The following ABCB7 variants were observed in gnomAD, a reference collection of about 807,000 sequenced individuals.
ABCB7 encodes the protein iron-sulfur clusters transporter ABCB7, mitochondrial.
ABCB7 carries 7 observed loss-of-function variants against 54.4 expected under a neutral mutation model. The observed-to-expected ratio is 0.13, with a 90% CI of 0.07 to 0.24. The LOEUF (loss-of-function observed/expected upper bound fraction) is 0.24, where lower values mean the gene tolerates loss of function less well. Ranked by LOEUF, ABCB7 falls within the 10% of genes least tolerant of loss-of-function variation. The probability of loss-of-function intolerance (pLI) is 1.00; values close to 1 mark genes in which losing one functional copy is unlikely to be tolerated. For missense variants in ABCB7, 356 were observed against 570.4 expected (o/e 0.62, Z 3.83); for synonymous variants, 218 against 207.1 (o/e 1.05, Z -0.45).
At position 75,090,393 on chromosome X, in the gene ABCB7, C is replaced by T. The variant is rs1464417748; in HGVS notation, c.453+8549G>A. Among the ~76,000 whole-genome samples, 9 of 110,652 alleles carry T rather than the reference C, an allele frequency of 8.1e-5. No homozygotes were observed. The Admixed American group carries it at 8.6e-4, about 11-fold the overall frequency. ...GATTAAACAACATGCTTTTAAATAA[C>T]ACATGGGTCAAAGACTAAAGAGAAA... On this transcript the variant is annotated intron_variant, in intron 4 of 15. Transcript: ENST00000373394.
intron 1 of ABCB7, among the ~76,000 whole-genome samples, chrX:75,139,231 T>C (rs1017188337): frequency 2.7e-5 from 3 of 111,275 alleles, no homozygotes; most frequent in African/African-American, 9.8e-5. Flanking sequence ...CCAAACACCC[T>C]TGGAATGGTA....
At chrX:75,131,822 AC>A (rs1012864665) in intron 1 of ABCB7, among the ~76,000 whole-genome samples, 1 of 111,551 alleles carries the variant, frequency 9.0e-6, no homozygotes, top group Non-Finnish European at 1.9e-5. Flanking sequence ...CCACCCTGAC[AC>A]CACCTGAGCA....
At chrX:75,060,020 A>C (rs1049406215) in intron 15 of ABCB7, among the ~76,000 whole-genome samples, 1 of 106,616 alleles carries the variant, frequency 9.4e-6, no homozygotes, top group African/African-American at 3.9e-5. Context: ...TTTGCTTATA[A>C]TACTTTAATA....
At chrX:75,138,607 C>A (rs1232452220) in intron 1 of ABCB7, among the ~76,000 whole-genome samples, 1 of 111,888 alleles carries the variant, frequency 8.9e-6, no homozygotes, top group Non-Finnish European at 1.9e-5. Context: ...CTTTTTCATA[C>A]ATCTTTTACA....
In ABCB7 at chrX:75,114,737, T is replaced by C. The variant is rs1406660353; in HGVS notation, c.246+17A>G. The C allele has an allele frequency of 2.5e-6, 3 of 1,187,955 alleles. No individual in the cohort carries two copies. The highest frequency in any genetic ancestry group is 2.3e-6 in the Non-Finnish European group (2 of 878,604). ...GGTTTTTCCTAGCTATATGTAGACATGTTTGCTCAATCTTACCTTTGCAGC... is the reference window on the plus strand; with the variant it reads ...GGTTTTTCCTAGCTATATGTAGACACGTTTGCTCAATCTTACCTTTGCAGC... On this transcript the variant is annotated intron_variant, in intron 2 of 15. Transcript: ENST00000373394.
At chrX:75,103,543 A>C (rs1455785920) in intron 3 of ABCB7, among the ~76,000 whole-genome samples, 1 of 111,583 alleles carries the variant, frequency 9.0e-6, no homozygotes, top group African/African-American at 3.3e-5. Context: ...GAAGTCAGGT[A>C]GTGTGATGTC....
At chrX:75,132,707 G>C (rs1208712214) in intron 1 of ABCB7, among the ~76,000 whole-genome samples, 1 of 112,502 alleles carries the variant, frequency 8.9e-6, no homozygotes, top group Non-Finnish European at 1.9e-5. Context: ...GTATCATCTG[G>C]ATTAAAGTCC....
intron 8 of ABCB7, among the ~76,000 whole-genome samples, chrX:75,073,423 T>C (rs1413284635): frequency 9.0e-6 from 1 of 111,450 alleles, no homozygotes; most frequent in Non-Finnish European, 1.9e-5. Flanking sequence ...ACATCATAGA[T>C]GCCAAAACAT....
intron 8 of ABCB7, 52 bp from the exon 9 acceptor site, chrX:75,071,735 CTT>C: frequency 1.2e-6 from 1 of 869,458 alleles, no homozygotes; most frequent in Non-Finnish European, 1.6e-6. Flanking sequence ...AATTTATTCT[CTT>C]AAGTGATTAG....
intron 4 of ABCB7, among the ~76,000 whole-genome samples, chrX:75,083,938 T>C: frequency 9.0e-6 from 1 of 111,157 alleles, no homozygotes; most frequent in Non-Finnish European, 1.9e-5. Flanking sequence ...CTGAAGAACA[T>C]GATTATGTTC....
intron 4 of ABCB7, among the ~76,000 whole-genome samples, chrX:75,091,081 A>C (rs1418423705): frequency 9.0e-6 from 1 of 111,455 alleles, no homozygotes; most frequent in Non-Finnish European, 1.9e-5. Context: ...TCCAGAAAAC[A>C]GAAGTAGAGG....
intron 4 of ABCB7, among the ~76,000 whole-genome samples, chrX:75,086,433 T>C (rs781540751): frequency 1.8e-5 from 2 of 111,617 alleles, no homozygotes; most frequent in South Asian, 7.6e-4. Flanking sequence ...GATTTAATTA[T>C]CGCTTTTCCC....
At position 75,065,020 on chromosome X, in the gene ABCB7, A is replaced by G. The variant is rs1486350753; in HGVS notation, c.1831+50T>C. ...CTAAAAAATGGCTCTGACAAATTAGAGTTTGAAAGAAGTATACAAGAAGGG... is the reference window on the plus strand; with the variant it reads ...CTAAAAAATGGCTCTGACAAATTAGGGTTTGAAAGAAGTATACAAGAAGGG... On this transcript the variant is annotated intron_variant, in intron 13 of 15. Coordinates refer to ENST00000373394, the MANE Select transcript of ABCB7 (RefSeq NM_001271696.3). 2.5e-6 allele frequency: 3 copies of G among 1,186,242 alleles called. No homozygotes were observed. In the East Asian group the frequency reaches 8.9e-5, roughly 35 times the overall value.
intron 1 of ABCB7, among the ~76,000 whole-genome samples, chrX:75,153,728 C>CTG (rs767240527): frequency 0.03 from 2,133 of 70,370 alleles, 29 homozygotes; most frequent in African/African-American, 0.073. Context: ...ACATGTGGGA[C>CTG]TGTGTGTGTG....
chrX:75,112,326 T>TAACA (rs2081767622), intron 3 of ABCB7, among the ~76,000 whole-genome samples: 2 of 111,586 alleles, frequency 1.8e-5, no homozygotes, highest in African/African-American at 6.5e-5. Flanking sequence ...TAATACTGTA[T>TAACA]AACAGTATTC....
intron 1 of ABCB7, among the ~76,000 whole-genome samples, chrX:75,149,645 A>C (rs966913209): frequency 1.8e-5 from 2 of 111,837 alleles, no homozygotes; most frequent in African/African-American, 6.5e-5. Flanking sequence ...TAAAAACAAA[A>C]AGATGATTGG....
chrX:75,079,560 G>A (rs1419501717), intron 4 of ABCB7, among the ~76,000 whole-genome samples: 1 of 111,393 alleles, frequency 9.0e-6, no homozygotes, highest in African/African-American at 3.3e-5. Flanking sequence ...AGTACAAAGA[G>A]ACCCACGTAC....
intron 1 of ABCB7, among the ~76,000 whole-genome samples, chrX:75,117,522 C>A (rs2081833705): frequency 1.8e-5 from 2 of 110,818 alleles, no homozygotes; most frequent in Non-Finnish European, 3.8e-5. Flanking sequence ...GGGTTCGAGG[C>A]CCAACTTAGG....
rs750345546 is a variant in ABCB7, at chrX:75,101,198, G to A, written c.334-2137C>T. 2.7e-5 allele frequency among the ~76,000 whole-genome samples: 3 copies of A among 109,730 alleles called. No individual in the cohort carries two copies. The East Asian group carries it at 8.6e-4, about 32-fold the overall frequency. On this transcript the variant is annotated intron_variant, in intron 3 of 15. Coordinates refer to ENST00000373394, the MANE Select transcript of ABCB7 (RefSeq NM_001271696.3). ...TTTATAATTCACATATATTCAGCAG[G>A]GGTTAGGGAGGGAAGTTATATAATT...
Sources: gnomAD v4.1 joint callset for allele counts (sites outside exome capture counted in the v4.1 genomes callset) on GRCh38, gnomAD v4.1.1 for gene constraint, MANE v1.5 for transcripts, NCBI Gene and HGNC (gene_info 2026-07-23, HGNC 2026-07-21) for gene names.